Variants in ARID1B observed in about 807,000 individuals in gnomAD.
ARID1B encodes the protein AT-rich interaction domain 1B.
In ARID1B, 30 loss-of-function variants were observed where a neutral mutation model predicts 212.3. The ratio of observed to expected loss-of-function variants is 0.14; its 90% CI spans 0.11 to 0.19. The LOEUF is 0.19. ARID1B is among the 10% of genes least tolerant of loss of function. The pLI is 1.00. For missense variants in ARID1B, 2,891 were observed against 3,204.0 expected (o/e 0.90, Z 2.36); for synonymous variants, 1,402 against 1,301.7 (o/e 1.08, Z -1.66).
intron 2 of ARID1B, among the ~76,000 whole-genome samples, chr6:156,897,264 C>CTTCTTCTTATTATTA (rs71027320): frequency 0.012 from 1,038 of 83,496 alleles, 22 homozygotes; most frequent in Non-Finnish European, 0.017. Flanking sequence ...TCTTCTTCTT[C>CTTCTTCTTATTATTA]TTATTATTAT....
intron 2 of ARID1B, among the ~76,000 whole-genome samples, chr6:156,876,837 CA>C (rs1786600500): frequency 6.6e-6 from 1 of 152,178 alleles, no homozygotes; most frequent in Non-Finnish European, 1.5e-5. Flanking sequence ...TGAGTGTTCA[CA>C]GATGGACCTC....
In ARID1B at chr6:156,778,871, C is replaced by T. The variant is rs184815562; in HGVS notation, c.1191C>T (p.Gly397=). Reference sequence around the variant, plus strand: ...CGGGCGGCGGCGGCGGCGGCGGCGGCGGAGGAGGAGGAGGCAGCGGAGGAG... The same window carrying T: ...CGGGCGGCGGCGGCGGCGGCGGCGGTGGAGGAGGAGGAGGCAGCGGAGGAG... The part of the protein sequence containing the change: ...PGAGGGGGGG[G]GGGGGSGGGG... Residue 397 remains glycine (G), a synonymous_variant, in exon 1 of 20, where the codon GGC becomes GGT. Transcript: ENST00000636930. The T allele has an allele frequency of 6.0e-6, 8 of 1,340,108 alleles. No homozygotes were observed. The highest frequency in any genetic ancestry group is 6.7e-5 in the Admixed American group (2 of 29,648). The allele number at this position is 1,340,108 out of a possible 1,614,324, so 83.0% of individuals were successfully genotyped here.
At chr6:156,792,300 C>T (rs117096263) in intron 1 of ARID1B, among the ~76,000 whole-genome samples, 2 of 152,244 alleles carry the variant, frequency 1.3e-5, no homozygotes, top group East Asian at 3.9e-4. Flanking sequence ...TGCAGCCCCC[C>T]CTTTTTAAAA....
chr6:157,023,850 AG>A (rs1037502368), intron 4 of ARID1B: 2 of 152,316 alleles, frequency 1.3e-5, no homozygotes, highest in Non-Finnish European at 2.9e-5. Flanking sequence ...GGTTTGCCAA[AG>A]GTAGTCTTGA....
In ARID1B at chr6:157,094,117, G is replaced by A. The variant is rs542497431; in HGVS notation, c.2491+9212G>A. On this transcript the variant is annotated intron_variant, in intron 5 of 19. Coordinates refer to ENST00000636930, the MANE Select transcript of ARID1B (RefSeq NM_001374828.1). The surrounding 1 kb of genome is among the most constrained non-coding windows in gnomAD (Gnocchi z 4.3). ...CTTAGAAGCTGATATTTGAACAAGA[G>A]AAGTGAAAGAAGGGCAGGGGCAAGC... Among the ~76,000 whole-genome samples the A allele has an allele frequency of 1.5e-3, 222 of 152,306 alleles. No homozygotes were observed. The highest frequency in any genetic ancestry group is 5.1e-3 in the African/African-American group (212 of 41,572).
chr6:156,935,384 TTTTG>T, intron 3 of ARID1B, 78 bp from the exon 4 acceptor site: 1 of 1,243,196 alleles, frequency 8.0e-7, no homozygotes, highest in Non-Finnish European at 1.2e-6. Context: ...CCAGCCAAGC[TTTTG>T]TTTAATTTTA....
chr6:157,101,670 T>G (rs1786056310), intron 5 of ARID1B, among the ~76,000 whole-genome samples: 1 of 152,132 alleles, frequency 6.6e-6, no homozygotes, highest in East Asian at 1.9e-4. Context: ...TTTGGTACAT[T>G]CAAGCTATCT....
intron 1 of ARID1B, among the ~76,000 whole-genome samples, chr6:156,817,860 A>G (rs1276525158): frequency 6.6e-6 from 1 of 152,102 alleles, no homozygotes; most frequent in Non-Finnish European, 1.5e-5. Flanking sequence ...AGTAGGTTGT[A>G]TACATTCCGC....
chr6:156,897,124 G>A (rs1788468922), intron 2 of ARID1B, among the ~76,000 whole-genome samples: 1 of 151,862 alleles, frequency 6.6e-6, no homozygotes, highest in Non-Finnish European at 1.5e-5. Context: ...GTTGTTGTGT[G>A]TGTTCATGTC....
chr6:157,205,942 AT>A, intron 19 of ARID1B: 1 of 571,554 alleles, frequency 1.7e-6, no homozygotes, highest in Non-Finnish European at 3.1e-6. Flanking sequence ...GAAGCAGCAA[AT>A]AAGGAACATG....
chr6:156,997,810 CTG>C (rs2128420267), intron 4 of ARID1B, among the ~76,000 whole-genome samples: 1 of 152,188 alleles, frequency 6.6e-6, no homozygotes, highest in East Asian at 1.9e-4. Context: ...GCGTGAAACT[CTG>C]TATACATATA....
At chr6:157,093,618 A>C (rs1240836447) in intron 5 of ARID1B, among the ~76,000 whole-genome samples, 1 of 152,244 alleles carries the variant, frequency 6.6e-6, no homozygotes, top group Non-Finnish European at 1.5e-5. Flanking sequence ...GGAATTGTTA[A>C]TGTTGATATT....
chr6:156,981,232 T>C (rs1777583103), intron 4 of ARID1B, among the ~76,000 whole-genome samples: 1 of 152,172 alleles, frequency 6.6e-6, no homozygotes. Flanking sequence ...TTGATGTCTT[T>C]CTTTTGAGGG....
chr6:157,156,547 A>C (rs7751698), intron 8 of ARID1B, among the ~76,000 whole-genome samples: 35,441 of 152,124 alleles, frequency 0.23, 5,628 homozygotes, highest in African/African-American at 0.46. Flanking sequence ...TCAGAGATTT[A>C]TTTTTTAATG....
intron 1 of ARID1B, among the ~76,000 whole-genome samples, chr6:156,793,323 A>G (rs964669978): frequency 6.6e-6 from 1 of 152,152 alleles, no homozygotes. Flanking sequence ...GGTGTCCGTG[A>G]GTCAGCAGCT....
chr6:157,104,472 G>A (rs1025555413), intron 5 of ARID1B, among the ~76,000 whole-genome samples: 2 of 152,260 alleles, frequency 1.3e-5, no homozygotes, highest in Middle Eastern at 3.4e-3. Context: ...GTCTATTTAC[G>A]GATGATATAA....
At chr6:157,029,220 T>C (rs1780871034) in intron 4 of ARID1B, among the ~76,000 whole-genome samples, 1 of 152,256 alleles carries the variant, frequency 6.6e-6, no homozygotes, top group African/African-American at 2.4e-5. Context: ...GTAACAGTCA[T>C]GTGTAATGCA....
intron 1 of ARID1B, among the ~76,000 whole-genome samples, chr6:156,785,479 AT>A (rs1054890928): frequency 6.6e-6 from 1 of 151,796 alleles, no homozygotes; most frequent in African/African-American, 2.4e-5. Flanking sequence ...ATAATGCTAC[AT>A]TTTTTCTTTT....
chr6:157,065,470 A>G (rs1783618031), intron 4 of ARID1B, among the ~76,000 whole-genome samples: 1 of 152,232 alleles, frequency 6.6e-6, no homozygotes, highest in Non-Finnish European at 1.5e-5. Flanking sequence ...AGGTGCCTTT[A>G]TGGTACAGTT....
Sources: allele counts gnomAD v4.1 joint callset (sites outside exome capture counted in the v4.1 genomes callset), GRCh38; gene constraint gnomAD v4.1.1; non-coding constraint Gnocchi (gnomAD v3.1); transcripts MANE v1.5; gene names NCBI Gene and HGNC (gene_info 2026-07-23, HGNC 2026-07-21).